Variants in ZNF804B observed in about 807,000 individuals in gnomAD.
ZNF804B encodes zinc finger 804B.
ZNF804B carries 80 observed loss-of-function variants against 101.4 expected under a neutral mutation model. The ratio of observed to expected loss-of-function variants is 0.79; its 90% CI spans 0.66 to 0.95. The LOEUF (loss-of-function observed/expected upper bound fraction) is 0.95. Among genes scored for constraint, ZNF804B ranks in the 40% least tolerant of loss-of-function variants. The pLI is 0.00. For synonymous variants in ZNF804B, 622 were observed against 558.8 expected, an observed-to-expected ratio of 1.11 and a Z score of -1.59; for missense variants, 1,673 against 1,561.9, an observed-to-expected ratio of 1.07 and a Z score of -1.20.
At chr7:88,846,353 G>A (rs1372774334) in intron 1 of ZNF804B, among the ~76,000 whole-genome samples, 1 of 152,172 alleles carries the variant, frequency 6.6e-6, no homozygotes, top group African/African-American at 2.4e-5. Context: ...CAATTCCAGT[G>A]AGAAACCAGA....
intron 1 of ZNF804B, among the ~76,000 whole-genome samples, chr7:88,992,534 C>A (rs1045345257): frequency 6.6e-6 from 1 of 151,954 alleles, no homozygotes; most frequent in South Asian, 2.1e-4. Context: ...TCTGGGCTGG[C>A]CTTAAGCGGG....
chr7:89,249,739 G>A (rs1391601296), intron 2 of ZNF804B, among the ~76,000 whole-genome samples: 1 of 151,782 alleles, frequency 6.6e-6, no homozygotes, highest in Non-Finnish European at 1.5e-5. Context: ...TAAAAAACAA[G>A]AACAAACTAA....
chr7:88,781,544 T>C (rs1790226368), intron 1 of ZNF804B, among the ~76,000 whole-genome samples: 1 of 152,244 alleles, frequency 6.6e-6, no homozygotes, highest in Non-Finnish European at 1.5e-5. Flanking sequence ...CATAACTGCA[T>C]TATGGAAAGT....
intron 1 of ZNF804B, among the ~76,000 whole-genome samples, chr7:88,901,778 T>G (rs943057375): frequency 6.6e-6 from 1 of 151,910 alleles, no homozygotes; most frequent in Admixed American, 6.6e-5. Flanking sequence ...GCTGAAAAGA[T>G]TTAGAATTTG....
At chr7:88,974,380 T>G (rs1410742722) in intron 1 of ZNF804B, among the ~76,000 whole-genome samples, 2 of 151,292 alleles carry the variant, frequency 1.3e-5, no homozygotes, top group Non-Finnish European at 3.0e-5. Context: ...TGTAAAGCAT[T>G]CTTACAACAT....
intron 2 of ZNF804B, among the ~76,000 whole-genome samples, chr7:89,271,649 A>G (rs1218243318): frequency 1.3e-5 from 2 of 152,206 alleles, no homozygotes; most frequent in Non-Finnish European, 2.9e-5. Context: ...GAATGGTACC[A>G]GCTCCTCTTT....
intron 1 of ZNF804B, among the ~76,000 whole-genome samples, chr7:89,003,794 G>A (rs912451555): frequency 6.6e-6 from 1 of 151,832 alleles, no homozygotes; most frequent in Admixed American, 6.6e-5. Flanking sequence ...CTTATAAATA[G>A]TGTTCTCTTT....
chr7:88,827,510 A>C (rs1480895765), intron 1 of ZNF804B, among the ~76,000 whole-genome samples: 1 of 151,590 alleles, frequency 6.6e-6, no homozygotes, highest in Non-Finnish European at 1.5e-5. Context: ...TTATGCTGCT[A>C]TTTGTCTTCA....
chr7:89,127,112 C>T (rs935872489), intron 1 of ZNF804B, among the ~76,000 whole-genome samples: 1 of 151,942 alleles, frequency 6.6e-6, no homozygotes, highest in African/African-American at 2.4e-5. Context: ...AGACAAACAT[C>T]CTCTGGCTCA....
At chr7:89,010,035 A>G (rs755423186) in intron 1 of ZNF804B, among the ~76,000 whole-genome samples, 4 of 152,104 alleles carry the variant, frequency 2.6e-5, no homozygotes, top group African/African-American at 7.2e-5. Flanking sequence ...ACTATTTTTT[A>G]TATCTATTAT....
chr7:89,072,964 T>C (rs1308704110), intron 1 of ZNF804B, among the ~76,000 whole-genome samples: 1 of 152,152 alleles, frequency 6.6e-6, no homozygotes, highest in African/African-American at 2.4e-5. Flanking sequence ...TCAAAGAGCT[T>C]ATTCAATTAG....
chr7:88,798,984 A>G (rs1421255260), intron 1 of ZNF804B, among the ~76,000 whole-genome samples: 1 of 152,132 alleles, frequency 6.6e-6, no homozygotes, highest in Non-Finnish European at 1.5e-5. Flanking sequence ...CAAACAACTG[A>G]TAAGTCACAG....
intron 1 of ZNF804B, among the ~76,000 whole-genome samples, chr7:89,089,179 T>A (rs1223548121): frequency 1.3e-5 from 2 of 151,812 alleles, no homozygotes; most frequent in African/African-American, 4.8e-5. Context: ...TAATAACTAC[T>A]TTTTATTGAT....
At chr7:88,900,754 G>A (rs1285981823) in intron 1 of ZNF804B, among the ~76,000 whole-genome samples, 1 of 150,720 alleles carries the variant, frequency 6.6e-6, no homozygotes, top group Middle Eastern at 3.2e-3. Flanking sequence ...ACTTTAGATG[G>A]CCATCATATT....
intron 1 of ZNF804B, among the ~76,000 whole-genome samples, chr7:88,817,130 G>A (rs1790893015): frequency 6.6e-6 from 1 of 152,082 alleles, no homozygotes; most frequent in African/African-American, 2.4e-5. Flanking sequence ...ACTATCTCAA[G>A]GACAGAAAAC....
chr7:88,900,545 A>G (rs1420747939), intron 1 of ZNF804B, among the ~76,000 whole-genome samples: 2 of 148,296 alleles, frequency 1.3e-5, no homozygotes, highest in African/African-American at 5.0e-5. Context: ...CATTCCAAAA[A>G]CATTGGTCAA....
chr7:89,267,630 G>C (rs1203278779), intron 2 of ZNF804B, among the ~76,000 whole-genome samples: 2 of 152,112 alleles, frequency 1.3e-5, no homozygotes, highest in Admixed American at 6.5e-5. Flanking sequence ...AGGACTTCTG[G>C]TTGTCCACAG....
intron 2 of ZNF804B, among the ~76,000 whole-genome samples, chr7:89,245,453 C>T (rs1413449159): frequency 1.3e-5 from 2 of 151,880 alleles, no homozygotes; most frequent in East Asian, 1.9e-4. Context: ...AAATTATAGC[C>T]GTTTAAATAG....
At chr7:88,917,353 G>C (rs1311779885) in intron 1 of ZNF804B, among the ~76,000 whole-genome samples, 1 of 152,166 alleles carries the variant, frequency 6.6e-6, no homozygotes, top group Non-Finnish European at 1.5e-5. Flanking sequence ...GTTGGAACAT[G>C]TTAAAATGTT....
Sources: allele counts gnomAD v4.1 joint callset (sites outside exome capture counted in the v4.1 genomes callset), GRCh38; gene constraint gnomAD v4.1.1; transcripts MANE v1.5; gene names NCBI Gene and HGNC (gene_info 2026-07-23, HGNC 2026-07-21).